Variants in AATF observed in about 807,000 individuals in gnomAD.
AATF encodes the protein protein AATF.
AATF carries 48 observed loss-of-function variants against 63.7 expected under a neutral mutation model. That is an observed-to-expected ratio of 0.75 (90% confidence interval 0.60 to 0.96). AATF has a LOEUF of 0.96. Among genes scored for constraint, AATF ranks in the 40% least tolerant of loss-of-function variants. The pLI is 0.00. For synonymous variants in AATF, 258 were observed against 247.7 expected, an observed-to-expected ratio of 1.04 and a Z score of -0.39; for missense variants, 639 against 685.7, an observed-to-expected ratio of 0.93 and a Z score of 0.76.
At chr17:36,979,864 G>A (rs1421541539) in intron 4 of AATF, among the ~76,000 whole-genome samples, 1 of 152,120 alleles carries the variant, frequency 6.6e-6, no homozygotes. Flanking sequence ...AAATAAAGCT[G>A]TTAGGTGAAA....
chr17:36,979,795 A>T (rs559854017), intron 4 of AATF, among the ~76,000 whole-genome samples: 5 of 152,312 alleles, frequency 3.3e-5, no homozygotes, highest in Admixed American at 1.3e-4. Flanking sequence ...TCCATGCCCA[A>T]ACTTATTCCT....
chr17:37,035,244 A>G (rs2071582334), intron 11 of AATF, among the ~76,000 whole-genome samples: 1 of 151,488 alleles, frequency 6.6e-6, no homozygotes, highest in South Asian at 2.1e-4. Flanking sequence ...TTTGAGACAG[A>G]GTTTTGCTCT....
chr17:36,992,511 T>C (rs1383543331), intron 8 of AATF, among the ~76,000 whole-genome samples: 1 of 152,156 alleles, frequency 6.6e-6, no homozygotes, highest in East Asian at 1.9e-4. Flanking sequence ...TTAATTGAAG[T>C]GTACATTGTT....
chr17:37,050,913 A>G (rs1264734282), intron 11 of AATF, among the ~76,000 whole-genome samples: 1 of 152,198 alleles, frequency 6.6e-6, no homozygotes, highest in African/African-American at 2.4e-5. Context: ...TAATTAGTCA[A>G]AGGCAAATTA....
chr17:37,026,064 G>A (rs2142294829), intron 10 of AATF, among the ~76,000 whole-genome samples: 2 of 152,140 alleles, frequency 1.3e-5, no homozygotes, highest in Non-Finnish European at 2.9e-5. Flanking sequence ...TCATTTCTGT[G>A]GTATTCTTGC....
chr17:37,010,572 C>T (rs2071383099), intron 8 of AATF, among the ~76,000 whole-genome samples: 1 of 152,300 alleles, frequency 6.6e-6, no homozygotes, highest in East Asian at 1.9e-4. Context: ...TGCTCTCACA[C>T]AGCATACAGT....
At chr17:37,054,567 AGT>A (rs1180801133) in intron 11 of AATF, 1 of 152,194 alleles carries the variant, frequency 6.6e-6, no homozygotes, top group Non-Finnish European at 1.5e-5. Context: ...TGCCCACCTG[AGT>A]GTGAAATGAT....
intron 8 of AATF, among the ~76,000 whole-genome samples, chr17:36,999,708 GT>G (rs151253346): frequency 0.12 from 18,244 of 152,166 alleles, 1,323 homozygotes; most frequent in Non-Finnish European, 0.16. Context: ...GGAAGTGATG[GT>G]TACTGTTTTA....
intron 8 of AATF, among the ~76,000 whole-genome samples, chr17:36,996,810 C>T (rs750863772): frequency 1.5e-4 from 23 of 152,084 alleles, no homozygotes; most frequent in Admixed American, 3.3e-4. Flanking sequence ...CAAACAGGAG[C>T]GTCAAGGTAA....
At chr17:37,037,006 TTTTG>T (rs1253842056) in intron 11 of AATF, among the ~76,000 whole-genome samples, 1 of 147,352 alleles carries the variant, frequency 6.8e-6, no homozygotes, top group East Asian at 2.0e-4. Context: ...AGCATCATCT[TTTTG>T]TTTTTTTTTT....
At position 36,993,478 on chromosome 17, in the gene AATF, G is replaced by A. The variant is rs775096138; in HGVS notation, c.1398+2621G>A. Reference sequence around the variant, plus strand: ...GGATTTGCCAGAGATTGGAGCTGAAGCCAATTCAGTGATAAGGCTAAAGAA... The same window carrying A: ...GGATTTGCCAGAGATTGGAGCTGAAACCAATTCAGTGATAAGGCTAAAGAA... On this transcript the variant is annotated intron_variant, in intron 8 of 11. Coordinates refer to ENST00000619387, the MANE Select transcript of AATF (RefSeq NM_012138.4). 2.6e-5 allele frequency among the ~76,000 whole-genome samples: 4 copies of A among 152,318 alleles called. No individual in the cohort carries two copies. In the East Asian group the frequency reaches 5.8e-4, roughly 22 times the overall value.
At chr17:37,038,897 A>G (rs1048169194) in intron 11 of AATF, among the ~76,000 whole-genome samples, 1 of 152,196 alleles carries the variant, frequency 6.6e-6, no homozygotes, top group Non-Finnish European at 1.5e-5. Context: ...TACAAATGCA[A>G]TCCAGCCTTG....
At chr17:36,999,475 C>T (rs2071278178) in intron 8 of AATF, among the ~76,000 whole-genome samples, 1 of 152,142 alleles carries the variant, frequency 6.6e-6, no homozygotes, top group Admixed American at 6.6e-5. Flanking sequence ...GCTAAGTAAC[C>T]ACATGTGCTA....
chr17:37,023,283 A>T (rs1034659020), intron 10 of AATF, among the ~76,000 whole-genome samples: 2 of 152,208 alleles, frequency 1.3e-5, no homozygotes, highest in Non-Finnish European at 2.9e-5. Flanking sequence ...CATAGTAGGC[A>T]TTCAAAAATG....
chr17:36,975,514 T>C (rs894326852), intron 4 of AATF, among the ~76,000 whole-genome samples: 4 of 152,216 alleles, frequency 2.6e-5, no homozygotes, highest in African/African-American at 9.7e-5. Context: ...TACTAATCCT[T>C]TTCAACAGCT....
At chr17:36,992,329 C>T (rs1219935763) in intron 8 of AATF, among the ~76,000 whole-genome samples, 2 of 152,038 alleles carry the variant, frequency 1.3e-5, no homozygotes, top group Non-Finnish European at 1.5e-5. Flanking sequence ...TGCAGCTGTT[C>T]CCTGTCAGAG....
At chr17:37,051,697 G>C (rs1681807) in intron 11 of AATF, among the ~76,000 whole-genome samples, 41,760 of 136,308 alleles carry the variant, frequency 0.31, 8,501 homozygotes, top group African/African-American at 0.62. Flanking sequence ...CAGACAGACA[G>C]ACACACACAC....
chr17:37,008,448 A>G (rs975900197), intron 8 of AATF, among the ~76,000 whole-genome samples: 1 of 152,240 alleles, frequency 6.6e-6, no homozygotes, highest in Non-Finnish European at 1.5e-5. Context: ...ACTGTGCAGT[A>G]CACACTTCAC....
chr17:36,982,478 C>T (rs575646482), intron 4 of AATF, among the ~76,000 whole-genome samples: 4 of 152,136 alleles, frequency 2.6e-5, no homozygotes, highest in Admixed American at 2.0e-4. Flanking sequence ...CTCAGCTGCC[C>T]GAGCAGCTGG....
Sources: allele counts gnomAD v4.1 joint callset (sites outside exome capture counted in the v4.1 genomes callset), GRCh38; gene constraint gnomAD v4.1.1; transcripts MANE v1.5; gene names NCBI Gene and HGNC (gene_info 2026-07-23, HGNC 2026-07-21).